Variants in NRP1 observed in about 807,000 individuals in gnomAD.
NRP1 encodes neuropilin-1.
Under a neutral mutation model 106.7 loss-of-function variants are expected in NRP1, and 35 were observed. The observed-to-expected ratio is 0.33, with a 90% CI of 0.25 to 0.43. The LOEUF is 0.43. NRP1 is among the 20% of genes least tolerant of loss of function. The pLI is 1.00. For synonymous variants in NRP1, 437 were observed against 417.9 expected (o/e 1.05, Z -0.56); for missense variants, 1,024 against 1,170.4 (o/e 0.87, Z 1.83).
At chr10:33,305,473 T>A (rs1005174622) in intron 2 of NRP1, among the ~76,000 whole-genome samples, 1 of 152,002 alleles carries the variant, frequency 6.6e-6, no homozygotes, top group African/African-American at 2.4e-5. Context: ...CCTGGAAAAG[T>A]AAGAAGTAGG....
At chr10:33,233,329 C>T (rs77828306) in intron 6 of NRP1, among the ~76,000 whole-genome samples, 10,488 of 152,200 alleles carry the variant, frequency 0.069, 398 homozygotes, top group Middle Eastern at 0.13. Context: ...CAGGAACCAT[C>T]CACATGCACC....
In NRP1 at chr10:33,195,710, G is replaced by A. The variant is rs548366495; in HGVS notation, c.1924+1940C>T. The stretch of plus-strand genomic sequence containing the variant: ...TTCTGGGCATTGACTTAGCCAGAAG[G>A]TGACAATCAACAGAAGTCCTTCCAG... On this transcript the variant is annotated intron_variant, in intron 12 of 16. Transcript: ENST00000374867. 6.7e-4 allele frequency: 250 copies of A among 372,876 alleles called. 2 individuals are homozygous for A. The highest frequency in any genetic ancestry group is 4.0e-3 in the South Asian group (187 of 47,238). The allele number at this position is 372,876 out of a possible 1,614,324, so 23.1% of individuals were successfully genotyped here. A position where few individuals can be genotyped will look rare whatever the true frequency, so the allele number is the denominator to read the frequency against.
intron 2 of NRP1, among the ~76,000 whole-genome samples, chr10:33,289,482 G>A (rs998444085): frequency 1.3e-5 from 2 of 152,088 alleles, no homozygotes; most frequent in African/African-American, 4.8e-5. Flanking sequence ...CATGACTCCT[G>A]TTTAGAGAAA....
chr10:33,253,965 C>T (rs1245962474), intron 6 of NRP1, 63 bp downstream of exon 6: 2 of 1,484,530 alleles, frequency 1.3e-6, no homozygotes, highest in African/African-American at 2.8e-5. Context: ...TTTCTTTCAA[C>T]AACCTCTCTA....
rs892396381 is a variant in NRP1, at chr10:33,250,537, G to A, written c.981+3491C>T. On this transcript the variant is annotated intron_variant, in intron 6 of 16. Transcript: ENST00000374867. ...CATCTCAACGTGATTCAGCAGGGAG[G>A]TGATGGACATTTCATAAAATAGGCT... Among the ~76,000 whole-genome samples the A allele has an allele frequency of 2.6e-5, 4 of 152,324 alleles. No homozygotes were observed. The East Asian group carries it at 7.7e-4, about 29-fold the overall frequency.
rs532562069 is a variant in NRP1 at position 33,231,932 on chromosome 10, T to C, written c.982-5643A>G. On this transcript the variant is annotated intron_variant, in intron 6 of 16. Coordinates refer to ENST00000374867, the MANE Select transcript of NRP1 (RefSeq NM_003873.7). ...GAAATCATGGACACTAAACAACCTA[T>C]TATGTTTCCCTCACCACTATTGACA... 4.6e-5 allele frequency among the ~76,000 whole-genome samples: 7 copies of C among 152,276 alleles called. No homozygotes were observed. In the South Asian group the frequency reaches 1.5e-3, roughly 32 times the overall value.
chr10:33,207,350 C>T (rs891262942), intron 10 of NRP1, among the ~76,000 whole-genome samples: 5 of 150,968 alleles, frequency 3.3e-5, no homozygotes, highest in South Asian at 2.1e-4. Flanking sequence ...TCATATAATC[C>T]GAGGAGAGTC....
intron 6 of NRP1, among the ~76,000 whole-genome samples, chr10:33,241,531 C>G (rs1188556177): frequency 6.6e-6 from 1 of 152,092 alleles, no homozygotes; most frequent in African/African-American, 2.4e-5. Flanking sequence ...CTCATCTATT[C>G]ACTGGAACCG....
chr10:33,294,119 G>A (rs920016117), intron 2 of NRP1, among the ~76,000 whole-genome samples: 2 of 152,172 alleles, frequency 1.3e-5, no homozygotes, highest in Admixed American at 6.5e-5. Flanking sequence ...CATGCTGATC[G>A]CTTAGTAATT....
intron 12 of NRP1, among the ~76,000 whole-genome samples, chr10:33,197,171 A>G (rs1836846953): frequency 6.6e-6 from 1 of 152,140 alleles, no homozygotes; most frequent in Non-Finnish European, 1.5e-5. Flanking sequence ...TCTGTGCACA[A>G]TTATAAACTC....
Position 33,206,646 on chromosome 10 carries a change from G to A in NRP1, c.1759+926C>T, listed in dbSNP as rs148490976. 2.6e-4 allele frequency among the ~76,000 whole-genome samples: 40 copies of A among 152,268 alleles called. No individual in the cohort carries two copies. In the East Asian group the frequency reaches 3.3e-3, roughly 12 times the overall value. On this transcript the variant is annotated intron_variant, in intron 10 of 16. Coordinates refer to ENST00000374867, the MANE Select transcript of NRP1 (RefSeq NM_003873.7). ...AAAACAACTGTGAGCATATATGCTC[G>A]GTTGATTAACATCTGGATGCCTACA...
rs147381543 is a variant in NRP1, at chr10:33,224,499, T to C, written c.1137+1635A>G. Among the ~76,000 whole-genome samples the C allele has an allele frequency of 4.5e-4, 68 of 152,246 alleles. 1 individual carries two copies. The East Asian group carries it at 7.3e-3, about 16-fold the overall frequency. On this transcript the variant is annotated intron_variant, in intron 7 of 16. Coordinates refer to ENST00000374867, the MANE Select transcript of NRP1 (RefSeq NM_003873.7). ...AAGATAATGAAATACCAGTTAAGTT[T>C]ATCACTTAACATTATCTTAGACCTT...
intron 6 of NRP1, among the ~76,000 whole-genome samples, chr10:33,253,557 C>T (rs2133171601): frequency 6.6e-6 from 1 of 152,306 alleles, no homozygotes; most frequent in South Asian, 2.1e-4. Flanking sequence ...TCCTTCCCTT[C>T]TCCTACCCTG....
chr10:33,296,970 A>C (rs1168095139), intron 2 of NRP1, among the ~76,000 whole-genome samples: 3 of 152,122 alleles, frequency 2.0e-5, no homozygotes, highest in Admixed American at 2.0e-4. Flanking sequence ...CGGAGTTTGC[A>C]GTCAGCCAAG....
chr10:33,226,286 CT>C lies in NRP1; in HGVS notation c.984del (p.Asp329ThrfsTer44). ...GTGACAAAGCGCAGAAGGCCCAAGT[CT>C]ACCTGCAAGACAAGTACAAGCGTGG... Reference protein sequence around the residue: ...GEDSYREWIQVDLGLLRFVTA... With the variant: ...GEDSYREWIQXDLGLLRFVTA... On this transcript the variant is annotated frameshift_variant and splice_region_variant, in exon 7 of 17. Coordinates refer to ENST00000374867, the MANE Select transcript of NRP1 (RefSeq NM_003873.7). LOFTEE classifies it high-confidence loss of function. 1 of 1,614,110 alleles carries C rather than the reference CT, an allele frequency of 6.2e-7. No individual in the cohort carries two copies. Among genetic ancestry groups the C allele is most frequent in the Non-Finnish European group, 8.5e-7 (1 of 1,179,988 alleles).
In NRP1 at chr10:33,187,703, C is replaced by T. The variant is rs560879134; in HGVS notation, c.2063-1215G>A. ...AGAAATCATCTTCTCTAACACCTCA[C>T]CTGATTAAGTGTGAATCTGCTGCTC... On this transcript the variant is annotated intron_variant, in intron 13 of 16. Coordinates refer to ENST00000374867, the MANE Select transcript of NRP1 (RefSeq NM_003873.7). Among the ~76,000 whole-genome samples the T allele has an allele frequency of 1.8e-3, 267 of 152,336 alleles. 1 individual carries two copies. The highest frequency in any genetic ancestry group is 5.9e-3 in the African/African-American group (247 of 41,578).
chr10:33,277,260 C>T (rs1445339341), intron 2 of NRP1, among the ~76,000 whole-genome samples: 1 of 152,208 alleles, frequency 6.6e-6, no homozygotes, highest in Non-Finnish European at 1.5e-5. Flanking sequence ...AGACAGCCGT[C>T]TTGGTGTCTG....
At position 33,237,114 on chromosome 10, in the gene NRP1, C is replaced by T. The variant is rs544317048; in HGVS notation, c.982-10825G>A. On this transcript the variant is annotated intron_variant, in intron 6 of 16. Transcript: ENST00000374867. ...AGCCCAATCATGGAGCTTCACACAT[C>T]GTAGCCACTCAAACTAAAAGTGTGA... Among the ~76,000 whole-genome samples, 40 of 152,144 alleles carry T rather than the reference C, an allele frequency of 2.6e-4. 1 individual carries two copies. The South Asian group carries it at 5.2e-3, about 20-fold the overall frequency.
At chr10:33,302,374 G>A (rs1471794298) in intron 2 of NRP1, among the ~76,000 whole-genome samples, 1 of 152,158 alleles carries the variant, frequency 6.6e-6, no homozygotes, top group African/African-American at 2.4e-5. Context: ...AGGATGGCTG[G>A]CCCACAGCCT....
Sources: gnomAD v4.1 joint callset for allele counts (sites outside exome capture counted in the v4.1 genomes callset) on GRCh38, gnomAD v4.1.1 for gene constraint, MANE v1.5 for transcripts, NCBI Gene and HGNC (gene_info 2026-07-23, HGNC 2026-07-21) for gene names.